RYR2: variants seen among roughly 807,000 people sequenced by gnomAD.
RYR2 encodes ryanodine receptor 2.
RYR2 carries 227 observed loss-of-function variants against 601.1 expected under a neutral mutation model. That is an observed-to-expected ratio of 0.38 (90% confidence interval 0.34 to 0.42). RYR2 has a LOEUF of 0.42. RYR2 is among the 10% of genes least tolerant of loss of function. The pLI is 1.00. For missense variants in RYR2, 4,646 were observed against 6,156.5 expected, an observed-to-expected ratio of 0.75 and a Z score of 8.21; for synonymous variants, 2,223 against 2,175.1, an observed-to-expected ratio of 1.02 and a Z score of -0.61.
chr1:237,782,532 C>T (rs1338180842), intron 89 of RYR2, among the ~76,000 whole-genome samples: 1 of 152,186 alleles, frequency 6.6e-6, no homozygotes, highest in African/African-American at 2.4e-5. Context: ...CGTGCTAGGA[C>T]TTTGAAGTGG....
intron 1 of RYR2, among the ~76,000 whole-genome samples, chr1:237,210,843 T>C (rs1241965522): frequency 6.6e-6 from 1 of 152,158 alleles, no homozygotes; most frequent in Admixed American, 6.6e-5. Context: ...TCAGGGTGAT[T>C]CCTCAGGGAT....
In RYR2 at chr1:237,310,588, C is replaced by T. The variant is rs111514783; in HGVS notation, c.169-20290C>T. Among the ~76,000 whole-genome samples, 852 of 152,164 alleles carry T rather than the reference C, an allele frequency of 5.6e-3. 6 individuals are homozygous for T. Among genetic ancestry groups the T allele is most frequent in the African/African-American group, 0.019 (804 of 41,502 alleles). On this transcript the variant is annotated intron_variant, in intron 2 of 104. Coordinates refer to ENST00000366574, the MANE Select transcript of RYR2 (RefSeq NM_001035.3). ...CTCTTTCCCCTCCAGCCCACTTTAC[C>T]CCTTTAAATATTGAAGCCCTTGAAT...
intron 43 of RYR2, 32 bp downstream of exon 43, chr1:237,633,742 G>A (rs764781600): frequency 2.5e-6 from 4 of 1,580,750 alleles, no homozygotes; most frequent in Non-Finnish European, 3.4e-6. Context: ...CATCTTTAAG[G>A]TTGAAATAAT....
At position 237,122,347 on chromosome 1, in the gene RYR2, A is replaced by G. The variant is rs184218472; in HGVS notation, c.48+79778A>G. On this transcript the variant is annotated intron_variant, in intron 1 of 104. Transcript: ENST00000366574. ...TGCAAAAGATGAGTGTTAAAAGGGA[A>G]CATGCAGAAAAATGATGGCTTACAT... is the stretch of plus-strand genomic sequence containing the variant. 4.1e-4 allele frequency among the ~76,000 whole-genome samples: 63 copies of G among 152,348 alleles called. No individual in the cohort carries two copies. The East Asian group carries it at 8.9e-3, about 21-fold the overall frequency.
At chr1:237,490,157 C>T (rs947762904) in intron 17 of RYR2, among the ~76,000 whole-genome samples, 1 of 152,120 alleles carries the variant, frequency 6.6e-6, no homozygotes, top group Non-Finnish European at 1.5e-5. Context: ...AAGATAGCAA[C>T]AATAGACTAG....
intron 1 of RYR2, among the ~76,000 whole-genome samples, chr1:237,244,794 G>A (rs1436055383): frequency 8.3e-6 from 1 of 120,250 alleles, no homozygotes; most frequent in East Asian, 2.7e-4. Flanking sequence ...ATGAGCCCCG[G>A]GTATTTACCC....
intron 10 of RYR2, among the ~76,000 whole-genome samples, chr1:237,395,495 C>T (rs148372361): frequency 6.7e-6 from 1 of 150,064 alleles, no homozygotes; most frequent in Non-Finnish European, 1.5e-5. Flanking sequence ...ACGAACACAA[C>T]CAAACTTGAT....
chr1:237,599,388 T>A (rs1328469100), intron 34 of RYR2, among the ~76,000 whole-genome samples: 1 of 152,178 alleles, frequency 6.6e-6, no homozygotes, highest in Non-Finnish European at 1.5e-5. Context: ...AAAAGTTTAC[T>A]AAAAAACTGT....
chr1:237,145,072 G>A (rs957131895), intron 1 of RYR2, among the ~76,000 whole-genome samples: 1 of 150,028 alleles, frequency 6.7e-6, no homozygotes, highest in Non-Finnish European at 1.5e-5. Flanking sequence ...CTGTCGGGGG[G>A]TTGGGGGAGC....
intron 1 of RYR2, among the ~76,000 whole-genome samples, chr1:237,049,508 C>T (rs1660989189): frequency 6.6e-6 from 1 of 152,132 alleles, no homozygotes; most frequent in Non-Finnish European, 1.5e-5. Context: ...TTTCCATTGT[C>T]ATGTTCGTAG....
chr1:237,803,313 T>TTTTG (rs762031660), intron 98 of RYR2, among the ~76,000 whole-genome samples: 2 of 151,270 alleles, frequency 1.3e-5, no homozygotes, highest in Non-Finnish European at 3.0e-5. Flanking sequence ...GCATTTTTCT[T>TTTTG]TTTTTTTTGA....
intron 1 of RYR2, among the ~76,000 whole-genome samples, chr1:237,098,387 A>ATGTGTGTGTG (rs937631817): frequency 0.019 from 876 of 47,348 alleles, 13 homozygotes; most frequent in African/African-American, 0.04. Context: ...CATTGTGTGT[A>ATGTGTGTGTG]TGTGTGTGTG....
At chr1:237,724,068 G>A (rs1689982327) in intron 74 of RYR2, among the ~76,000 whole-genome samples, 1 of 151,026 alleles carries the variant, frequency 6.6e-6, no homozygotes, top group East Asian at 1.9e-4. Context: ...CTGTCACAGG[G>A]CTCTTATGAC....
At chr1:237,522,841 A>G (rs1333789828) in intron 24 of RYR2, among the ~76,000 whole-genome samples, 1 of 152,190 alleles carries the variant, frequency 6.6e-6, no homozygotes, top group Non-Finnish European at 1.5e-5. Flanking sequence ...TTAATCTAGT[A>G]GTAAATATTT....
At chr1:237,112,571 CAAAA>C (rs11419585) in intron 1 of RYR2, among the ~76,000 whole-genome samples, 23 of 137,196 alleles carry the variant, frequency 1.7e-4, no homozygotes, top group Admixed American at 2.9e-4. Context: ...GCTACAACAT[CAAAA>C]AAAAAAAAAA....
intron 35 of RYR2, among the ~76,000 whole-genome samples, chr1:237,602,446 G>A (rs1676609967): frequency 1.3e-5 from 2 of 152,196 alleles, no homozygotes; most frequent in Admixed American, 6.5e-5. Context: ...TACAATAGTG[G>A]TATGTATGGA....
intron 63 of RYR2, 98 bp from the exon 64 acceptor site, chr1:237,698,867 G>GT: frequency 3.2e-6 from 2 of 630,742 alleles, no homozygotes; most frequent in South Asian, 2.3e-5. Context: ...TATTACTGTT[G>GT]TGTCATTGAC....
At position 237,833,662 on chromosome 1, in the gene RYR2, T is replaced by TAGTTTTGGGTTTTGCTCATTCTTTCAGC. The variant is rs1481299303; in HGVS notation, c.*1016_*1043dup. 5.9e-5 allele frequency: 9 copies of TAGTTTTGGGTTTTGCTCATTCTTTCAGC among 152,614 alleles called. No individual in the cohort carries two copies. The highest frequency in any genetic ancestry group is 1.0e-4 in the Non-Finnish European group (7 of 68,038). 9.5% of individuals were successfully genotyped at this position (152,614 alleles called of 1,614,324 possible). A position where few individuals can be genotyped will look rare whatever the true frequency, so the allele number is the denominator to read the frequency against. On this transcript the variant is annotated 3_prime_UTR_variant, in exon 105 of 105. Coordinates refer to ENST00000366574, the MANE Select transcript of RYR2 (RefSeq NM_001035.3). ...ATGTGATACAATATGAACTTGACAG[T>TAGTTTTGGGTTTTGCTCATTCTTTCAGC]AGTTTTGGGTTTTGCTCATTCTTTC...
chr1:237,500,370 A>G (rs969916516), intron 20 of RYR2, among the ~76,000 whole-genome samples: 1 of 152,162 alleles, frequency 6.6e-6, no homozygotes, highest in Non-Finnish European at 1.5e-5. Context: ...AGTAGATGGT[A>G]AGGTAGCTAT....
Sources: allele counts gnomAD v4.1 joint callset (sites outside exome capture counted in the v4.1 genomes callset), GRCh38; gene constraint gnomAD v4.1.1; transcripts MANE v1.5; gene names NCBI Gene and HGNC (gene_info 2026-07-23, HGNC 2026-07-21).